PSD2: variants seen among roughly 807,000 people sequenced by gnomAD.
The protein encoded by PSD2 is pleckstrin and Sec7 domain containing 2, also known as PH and SEC7 domain-containing protein 2.
A neutral mutation model predicts 69.8 loss-of-function variants in PSD2; 38 were observed. The ratio of observed to expected loss-of-function variants is 0.54; its 90% CI spans 0.42 to 0.71. The LOEUF (loss-of-function observed/expected upper bound fraction) is 0.71, where lower values mean the gene tolerates loss of function less well. Among genes scored for constraint, PSD2 ranks in the 30% least tolerant of loss-of-function variants. The pLI is 0.00. For synonymous variants in PSD2, 412 were observed against 423.0 expected (o/e 0.97, Z 0.32); for missense variants, 943 against 1,014.5 (o/e 0.93, Z 0.96).
At chr5:139,829,324 T>G (rs1760509614) in intron 7 of PSD2, among the ~76,000 whole-genome samples, 1 of 152,248 alleles carries the variant, frequency 6.6e-6, no homozygotes, top group Admixed American at 6.5e-5. Context: ...TGTATATTCT[T>G]AGTGATTTAT....
the PSD2 span, among the ~76,000 whole-genome samples, chr5:139,766,930 C>CCTTTCTTTCTTTCT: frequency 3.6e-4 from 16 of 44,118 alleles, no homozygotes; most frequent in South Asian, 2.5e-3. Flanking sequence ...CCTTCCTTCC[C>CCTTTCTTTCTTTCT]TTCTTTCTTT....
rs750735146 is a variant in PSD2, at chr5:139,836,854, G to A, written c.1447G>A (p.Asp483Asn). The change falls in exon 10 of 15, where the codon GAC (aspartate) becomes AAC (asparagine). Residue 483 changes from aspartate (D) to asparagine (N), a missense_variant. Physicochemically the swap from Asp to Asn is conservative, Grantham distance 23. Transcript: ENST00000274710. ...LRKSLSELVD[D>N]KFGTGTKKVT... ...GAAATCCCTGTCTGAGCTGGTGGATGACAAGTTCGGGACAGGCACGAAGAA... is the reference window on the plus strand; with the variant it reads ...GAAATCCCTGTCTGAGCTGGTGGATAACAAGTTCGGGACAGGCACGAAGAA... The A allele has an allele frequency of 1.2e-6, 2 of 1,614,196 alleles. No individual in the cohort carries two copies. Among genetic ancestry groups the A allele is most frequent in the South Asian group, 2.2e-5 (2 of 91,076 alleles).
At chr5:139,830,583 T>C (rs1760558674) in intron 7 of PSD2, among the ~76,000 whole-genome samples, 1 of 137,546 alleles carries the variant, frequency 7.3e-6, no homozygotes. Context: ...TCTTTCTTTC[T>C]TTCTTTCTTT....
intron 7 of PSD2, among the ~76,000 whole-genome samples, chr5:139,827,724 A>T (rs1292181227): frequency 6.6e-6 from 1 of 152,224 alleles, no homozygotes; most frequent in African/African-American, 2.4e-5. Flanking sequence ...CTTCTTCACG[A>T]GGTGGCAGGA....
chr5:139,802,181 G>A (rs1463862488), intron 1 of PSD2, among the ~76,000 whole-genome samples: 3 of 152,002 alleles, frequency 2.0e-5, no homozygotes, highest in African/African-American at 7.2e-5. Context: ...ACAGAGATTG[G>A]GGAGGGGGTG....
intron 7 of PSD2, among the ~76,000 whole-genome samples, chr5:139,827,080 G>A (rs1399833426): frequency 3.3e-5 from 5 of 152,204 alleles, no homozygotes; most frequent in African/African-American, 7.2e-5. Flanking sequence ...TAGGTTACCC[G>A]AATCAATCTC....
the PSD2 span, among the ~76,000 whole-genome samples, chr5:139,753,972 G>C: frequency 6.6e-6 from 1 of 152,188 alleles, no homozygotes; most frequent in South Asian, 2.1e-4. Flanking sequence ...AAATAGCTGG[G>C]ATGACAGGCA....
At chr5:139,789,116 A>T in the PSD2 span, among the ~76,000 whole-genome samples, 1 of 152,162 alleles carries the variant, frequency 6.6e-6, no homozygotes, top group African/African-American at 2.4e-5. Context: ...TGGGCCTGTC[A>T]GGGTTGCGGC....
Position 139,839,108 on chromosome 5 carries a change from C to T in PSD2, c.1968+336C>T, listed in dbSNP as rs1052281581. On this transcript the variant is annotated intron_variant, in intron 13 of 14. Transcript: ENST00000274710. The surrounding 1 kb of genome is among the most constrained non-coding windows in gnomAD (Gnocchi z 5.1). The stretch of plus-strand genomic sequence containing the variant: ...TGTCACAGGGAGCTTGCACAGGTGA[C>T]ACCTGGCTGACGCTTCATCCAGTGC... Among the ~76,000 whole-genome samples the T allele has an allele frequency of 6.6e-6, 1 of 152,254 alleles. No individual in the cohort carries two copies. The highest frequency in any genetic ancestry group is 1.5e-5 in the Non-Finnish European group (1 of 68,050).
chr5:139,788,181 C>T, the PSD2 span, among the ~76,000 whole-genome samples: 4 of 14,942 alleles, frequency 2.7e-4, no homozygotes, highest in Non-Finnish European at 8.2e-4. Context: ...CCCCCCGCGC[C>T]CCCCCCCGAA....
In PSD2 at chr5:139,814,058, C is replaced by G; in HGVS notation, c.822-112C>G. On this transcript the variant is annotated intron_variant, in intron 3 of 14. Coordinates refer to ENST00000274710, the MANE Select transcript of PSD2 (RefSeq NM_032289.4). This position sits in a 1 kb window ranked among gnomAD's most constrained non-coding sequence, Gnocchi z 4.4. Reference sequence around the variant, plus strand: ...TCCGGCTGCAGTGGAGCTTCTTTCCCTGTTCTGGCCCCTACATGGTTTGCA... The same window carrying G: ...TCCGGCTGCAGTGGAGCTTCTTTCCGTGTTCTGGCCCCTACATGGTTTGCA... The G allele has an allele frequency of 9.9e-7, 1 of 1,014,442 alleles. No individual in the cohort carries two copies. Among genetic ancestry groups the G allele is most frequent in the Non-Finnish European group, 1.5e-6 (1 of 674,812 alleles). The allele number at this position is 1,014,442 out of a possible 1,614,324, so 62.8% of individuals were successfully genotyped here.
chr5:139,792,903 CTTCCTTCT>C (rs1423703158), upstream of PSD2, among the ~76,000 whole-genome samples: 22 of 111,502 alleles, frequency 2.0e-4, no homozygotes, highest in East Asian at 5.5e-4. Context: ...TCCTTCCTTC[CTTCCTTCT>C]TTCTTTCTTT....
At chr5:139,812,626 C>T (rs1259857545) in intron 2 of PSD2, among the ~76,000 whole-genome samples, 2 of 152,104 alleles carry the variant, frequency 1.3e-5, no homozygotes, top group African/African-American at 2.4e-5. Flanking sequence ...GAACAGATCC[C>T]GGAGCAGGAG....
the PSD2 span, among the ~76,000 whole-genome samples, chr5:139,752,316 A>G: frequency 2.0e-5 from 3 of 151,972 alleles, no homozygotes; most frequent in African/African-American, 7.3e-5. Flanking sequence ...TCCCCCTACC[A>G]TAAGAACACC....
chr5:139,826,365 A>T (rs79471112), intron 7 of PSD2, among the ~76,000 whole-genome samples: 136 of 152,354 alleles, frequency 8.9e-4, no homozygotes, highest in Non-Finnish European at 1.6e-3. Context: ...AACAGACAAG[A>T]TGCTGCCACT....
At chr5:139,747,237 T>TC in the PSD2 span, among the ~76,000 whole-genome samples, 4 of 151,430 alleles carry the variant, frequency 2.6e-5, no homozygotes, top group African/African-American at 4.9e-5. The surrounding 1 kb of genome is among the most constrained non-coding windows in gnomAD (Gnocchi z 6.7). Flanking sequence ...CTCTCTTGTC[T>TC]CCCCCCCTTC....
At chr5:139,799,924 G>A (rs1759627151) in intron 1 of PSD2, among the ~76,000 whole-genome samples, 1 of 152,182 alleles carries the variant, frequency 6.6e-6, no homozygotes, top group African/African-American at 2.4e-5. Context: ...TATGAGGTCT[G>A]AGGTGTTTTC....
chr5:139,796,259 A>T (rs368235944), intron 1 of PSD2, among the ~76,000 whole-genome samples: 2 of 152,132 alleles, frequency 1.3e-5, no homozygotes, highest in African/African-American at 4.8e-5. Flanking sequence ...GCCCAGCCTG[A>T]GGGACGGTGG....
At chr5:139,816,585 C>A (rs536941185) in intron 4 of PSD2, among the ~76,000 whole-genome samples, 1 of 152,318 alleles carries the variant, frequency 6.6e-6, no homozygotes, top group South Asian at 2.1e-4. Flanking sequence ...AAATGGGCAG[C>A]GAGCTCCAGG....
Sources: gnomAD v4.1 joint callset for allele counts (sites outside exome capture counted in the v4.1 genomes callset) on GRCh38, gnomAD v4.1.1 for gene constraint, Gnocchi (gnomAD v3.1) non-coding constraint, MANE v1.5 for transcripts, NCBI Gene and HGNC (gene_info 2026-07-23, HGNC 2026-07-21) for gene names.